The following ITGB6 variants were observed in gnomAD, a reference collection of about 807,000 sequenced individuals.
The protein encoded by ITGB6 is integrin beta-6.
Under a neutral mutation model 84.5 loss-of-function variants are expected in ITGB6, and 80 were observed. That is an observed-to-expected ratio of 0.95 (90% CI 0.79 to 1.14). The LOEUF (loss-of-function observed/expected upper bound fraction) is 1.14, where lower values mean the gene tolerates loss of function less well. Among genes scored for constraint, ITGB6 ranks in the 50% most tolerant of loss-of-function variants. The pLI is 0.00. For synonymous variants in ITGB6, 383 were observed against 354.9 expected, an observed-to-expected ratio of 1.08 and a Z score of -0.89; for missense variants, 1,006 against 968.0, an observed-to-expected ratio of 1.04 and a Z score of -0.52.
chr2:160,172,175 A>G (rs946061185), intron 6 of ITGB6, among the ~76,000 whole-genome samples: 23 of 152,266 alleles, frequency 1.5e-4, no homozygotes, highest in African/African-American at 5.5e-4. Context: ...CCCATGGAAC[A>G]TGAAAGGATG....
intron 12 of ITGB6, among the ~76,000 whole-genome samples, chr2:160,121,886 A>G (rs1398953683): frequency 6.6e-6 from 1 of 150,952 alleles, no homozygotes; most frequent in Non-Finnish European, 1.5e-5. Context: ...TTATAAAGTT[A>G]TGCTTTTTTT....
At chr2:160,185,277 C>A (rs1313501419) in intron 4 of ITGB6, among the ~76,000 whole-genome samples, 1 of 152,176 alleles carries the variant, frequency 6.6e-6, no homozygotes, top group Admixed American at 6.5e-5. Context: ...GCAACTTCAG[C>A]AAAGTCTCAG....
intron 12 of ITGB6, among the ~76,000 whole-genome samples, chr2:160,115,472 T>C (rs1023593489): frequency 1.2e-4 from 18 of 152,266 alleles, no homozygotes; most frequent in Admixed American, 2.6e-4. Context: ...GAAGGAAAAC[T>C]AACAAACAGA....
chr2:160,147,080 C>A, intron 7 of ITGB6, among the ~76,000 whole-genome samples: 1 of 135,062 alleles, frequency 7.4e-6, no homozygotes, highest in Admixed American at 8.1e-5. Flanking sequence ...TGAGACCTTG[C>A]CTCAGAAAAA....
chr2:160,113,784 T>C (rs1429640030), intron 12 of ITGB6, among the ~76,000 whole-genome samples: 1 of 152,212 alleles, frequency 6.6e-6, no homozygotes, highest in Non-Finnish European at 1.5e-5. Context: ...TTTCATATAT[T>C]TGATTGCAAA....
At chr2:160,191,664 G>A (rs1487282749) in intron 4 of ITGB6, among the ~76,000 whole-genome samples, 2 of 152,144 alleles carry the variant, frequency 1.3e-5, no homozygotes, top group African/African-American at 2.4e-5. Flanking sequence ...GGAGACCCAA[G>A]TCGGTGCAAT....
intron 7 of ITGB6, among the ~76,000 whole-genome samples, chr2:160,164,642 G>A (rs971880827): frequency 6.6e-6 from 1 of 152,042 alleles, no homozygotes; most frequent in Admixed American, 6.5e-5. Context: ...GGTGCAGTGA[G>A]CTGAGATCAT....
chr2:160,179,349 G>A (rs987281773), intron 4 of ITGB6, among the ~76,000 whole-genome samples: 2 of 151,102 alleles, frequency 1.3e-5, no homozygotes, highest in African/African-American at 2.4e-5. Flanking sequence ...TGTGAACATA[G>A]AGGAAATCCA....
chr2:160,196,578 T>G (rs1005030237), intron 2 of ITGB6, among the ~76,000 whole-genome samples, 158 bp from the exon 3 acceptor site: 1 of 152,194 alleles, frequency 6.6e-6, no homozygotes, highest in African/African-American at 2.4e-5. Context: ...AGGTCTAAAG[T>G]TAAGTTATAG....
chr2:160,169,095 T>C, intron 7 of ITGB6, 117 bp downstream of exon 7: 2 of 625,556 alleles, frequency 3.2e-6, no homozygotes, highest in Non-Finnish European at 5.6e-6. Context: ...CCAGTACATT[T>C]GGTGTGTGTT....
At chr2:160,121,861 A>G (rs1162619819) in intron 12 of ITGB6, among the ~76,000 whole-genome samples, 1 of 151,592 alleles carries the variant, frequency 6.6e-6, no homozygotes, top group Non-Finnish European at 1.5e-5. Flanking sequence ...ATAACTGAGG[A>G]ACAATTCATA....
Position 160,101,382 on chromosome 2 carries a change from C to A in ITGB6, c.*354G>T. 1 of 250,796 alleles carries A rather than the reference C, an allele frequency of 4.0e-6. No homozygotes were observed. The allele number at this position is 250,796 out of a possible 1,614,324, so 15.5% of individuals were successfully genotyped here. A position where few individuals can be genotyped will look rare whatever the true frequency, so the allele number is the denominator to read the frequency against. On this transcript the variant is annotated 3_prime_UTR_variant, in exon 15 of 15. Coordinates refer to ENST00000283249, the MANE Select transcript of ITGB6 (RefSeq NM_000888.5). ...TATGGGCTTTGTGACTTTGCCGAGA[C>A]AAAAAACTCAGGTAGCTGCATTCCT...
In ITGB6 at chr2:160,101,513, T is replaced by C; in HGVS notation, c.*223A>G. ...ATTAATGCAACAGAGTTAGTATTCC[T>C]CAAATGATCCCCAAAGTCATCTCTT... On this transcript the variant is annotated 3_prime_UTR_variant, in exon 15 of 15. Coordinates refer to ENST00000283249, the MANE Select transcript of ITGB6 (RefSeq NM_000888.5). 1 of 484,702 alleles carries C rather than the reference T, an allele frequency of 2.1e-6. No individual in the cohort carries two copies. Among genetic ancestry groups the C allele is most frequent in the East Asian group, 3.9e-5 (1 of 25,712 alleles). 30.0% of individuals were successfully genotyped at this position (484,702 alleles called of 1,614,324 possible).
At position 160,199,310 on chromosome 2, in the gene ITGB6, C is replaced by T. The variant is rs760312004; in HGVS notation, c.62-52G>A. The T allele has an allele frequency of 4.4e-6, 6 of 1,352,120 alleles. No homozygotes were observed. The East Asian group carries it at 1.1e-4, about 26-fold the overall frequency. 83.8% of individuals were successfully genotyped at this position (1,352,120 alleles called of 1,614,324 possible). Reference sequence around the variant, plus strand: ...GGATTAAGTACACTTTCAGTCATTCCATTTATGAGACTGATGGCTCTTACA... The same window carrying T: ...GGATTAAGTACACTTTCAGTCATTCTATTTATGAGACTGATGGCTCTTACA... On this transcript the variant is annotated intron_variant, in intron 1 of 14. Coordinates refer to ENST00000283249, the MANE Select transcript of ITGB6 (RefSeq NM_000888.5).
At position 160,195,365 on chromosome 2, in the gene ITGB6, T is replaced by C. The variant is rs768198966; in HGVS notation, c.593+4A>G. On this transcript the variant is annotated splice_donor_region_variant and intron_variant, in intron 4 of 14. Transcript: ENST00000283249. ...CAAAGATGCCAAGAGAATCATTTAC[T>C]TACCTGCAAGGGTTGGCAATTTCTT... 2.5e-6 allele frequency: 4 copies of C among 1,614,004 alleles called. No individual in the cohort carries two copies. Among genetic ancestry groups the C allele is most frequent in the Non-Finnish European group, 3.4e-6 (4 of 1,179,894 alleles).
At chr2:160,194,914 T>C (rs1408818465) in intron 4 of ITGB6, among the ~76,000 whole-genome samples, 1 of 151,954 alleles carries the variant, frequency 6.6e-6, no homozygotes, top group Non-Finnish European at 1.5e-5. Flanking sequence ...TCCCAAAGTA[T>C]GTCAGAGAAA....
chr2:160,189,525 C>T (rs1409426009), intron 4 of ITGB6, among the ~76,000 whole-genome samples: 1 of 152,130 alleles, frequency 6.6e-6, no homozygotes, highest in African/African-American at 2.4e-5. Context: ...CAAACAACCC[C>T]ATCAAAAAGT....
At chr2:160,168,734 G>GT (rs1382791451) in intron 7 of ITGB6, among the ~76,000 whole-genome samples, 1 of 152,090 alleles carries the variant, frequency 6.6e-6, no homozygotes, top group Non-Finnish European at 1.5e-5. Flanking sequence ...CATATAACAA[G>GT]TTTTTTCCTT....
chr2:160,121,326 A>G (rs1683028736), intron 12 of ITGB6, among the ~76,000 whole-genome samples: 1 of 152,204 alleles, frequency 6.6e-6, no homozygotes, highest in African/African-American at 2.4e-5. Flanking sequence ...AATGTATAAC[A>G]ACTCTCAGAA....
Sources: allele counts gnomAD v4.1 joint callset (sites outside exome capture counted in the v4.1 genomes callset), GRCh38; gene constraint gnomAD v4.1.1; transcripts MANE v1.5; gene names NCBI Gene and HGNC (gene_info 2026-07-23, HGNC 2026-07-21).